Variants in UBE3C observed in about 807,000 individuals in gnomAD.
UBE3C encodes ubiquitin-protein ligase E3C.
A neutral mutation model predicts 129.4 loss-of-function variants in UBE3C; 42 were observed. The ratio of observed to expected loss-of-function variants is 0.32; its 90% CI spans 0.25 to 0.42. UBE3C has a LOEUF of 0.42. UBE3C is among the 10% of genes least tolerant of loss of function. The pLI, the probability that UBE3C is intolerant of heterozygous loss-of-function variation, is 1.00. For synonymous variants in UBE3C, 510 were observed against 492.4 expected, an observed-to-expected ratio of 1.04 and a Z score of -0.47; for missense variants, 1,049 against 1,319.1, an observed-to-expected ratio of 0.80 and a Z score of 3.17.
chr7:157,157,334 G>T (rs754957074), intron 1 of UBE3C, among the ~76,000 whole-genome samples: 1 of 152,198 alleles, frequency 6.6e-6, no homozygotes, highest in South Asian at 2.1e-4. Context: ...CATAACCAAG[G>T]TTAAAGAGTA....
intron 10 of UBE3C, among the ~76,000 whole-genome samples, chr7:157,190,391 T>G (rs990614694): frequency 2.0e-5 from 3 of 152,124 alleles, no homozygotes; most frequent in African/African-American, 7.2e-5. Flanking sequence ...AGCCTGAAAC[T>G]GCAGTGTCCT....
At chr7:157,253,068 AT>A (rs1335751729) in intron 19 of UBE3C, among the ~76,000 whole-genome samples, 1 of 152,062 alleles carries the variant, frequency 6.6e-6, no homozygotes, top group African/African-American at 2.4e-5. Context: ...CTTTTTAAAA[AT>A]TTTTTTATTT....
At chr7:157,238,000 A>C (rs3779599) in intron 18 of UBE3C, among the ~76,000 whole-genome samples, 50,878 of 151,848 alleles carry the variant, frequency 0.34, 11,559 homozygotes, top group African/African-American at 0.64. Context: ...TGCAGTGAGC[A>C]GTGATGGCAC....
chr7:157,222,481 C>G (rs942512026), intron 15 of UBE3C: 13 of 151,866 alleles, frequency 8.6e-5, no homozygotes, highest in African/African-American at 3.1e-4. Flanking sequence ...TGCAATGGTG[C>G]AATCACAGCT....
At chr7:157,142,205 A>G (rs996938108) in intron 1 of UBE3C, among the ~76,000 whole-genome samples, 4 of 152,232 alleles carry the variant, frequency 2.6e-5, no homozygotes, top group African/African-American at 9.7e-5. Context: ...CTTGTTGGAA[A>G]AATGAAGTTA....
At position 157,198,846 on chromosome 7, in the gene UBE3C, AG is replaced by A. The variant is rs368486831; in HGVS notation, c.1332-2874del. Reference sequence around the variant, plus strand: ...CCTGGCCCAGAAATTTATTTTTAAAAGTTTAATAGTTTGTTTTATTATTGCT... The same window carrying A: ...CCTGGCCCAGAAATTTATTTTTAAAATTTAATAGTTTGTTTTATTATTGCT... On this transcript the variant is annotated intron_variant, in intron 10 of 22. Coordinates refer to ENST00000348165, the MANE Select transcript of UBE3C (RefSeq NM_014671.3). Among the ~76,000 whole-genome samples, 162 of 152,292 alleles carry A rather than the reference AG, an allele frequency of 1.1e-3. 2 individuals carry two copies. The highest frequency in any genetic ancestry group is 3.7e-3 in the African/African-American group (154 of 41,562).
intron 1 of UBE3C, among the ~76,000 whole-genome samples, chr7:157,143,550 C>T (rs114304476): frequency 1.1e-4 from 16 of 152,300 alleles, no homozygotes; most frequent in African/African-American, 3.6e-4. Context: ...GGTTTCCTAG[C>T]TTAAGCGTCA....
intron 10 of UBE3C, among the ~76,000 whole-genome samples, chr7:157,199,788 T>C (rs1809229658): frequency 6.6e-6 from 1 of 152,206 alleles, no homozygotes; most frequent in South Asian, 2.1e-4. Context: ...AGAGTGAATT[T>C]TAAGTGGAAA....
At chr7:157,194,353 A>G (rs1477160761) in intron 10 of UBE3C, among the ~76,000 whole-genome samples, 3 of 152,198 alleles carry the variant, frequency 2.0e-5, no homozygotes, top group Non-Finnish European at 4.4e-5. Flanking sequence ...AAACCCTAGC[A>G]CAGGTAATTT....
intron 1 of UBE3C, among the ~76,000 whole-genome samples, chr7:157,153,871 T>A (rs769426197): frequency 6.6e-6 from 1 of 151,504 alleles, no homozygotes; most frequent in Non-Finnish European, 1.5e-5. Context: ...TATGTACCTG[T>A]GGTTTCAGTT....
intron 1 of UBE3C, among the ~76,000 whole-genome samples, chr7:157,149,705 T>C (rs551129578): frequency 6.6e-6 from 1 of 152,290 alleles, no homozygotes; most frequent in East Asian, 1.9e-4. Context: ...AAAAAATAGA[T>C]GGTCTCATAA....
At chr7:157,222,522 C>G (rs1049528154) in intron 15 of UBE3C, 10 of 152,082 alleles carry the variant, frequency 6.6e-5, no homozygotes, top group African/African-American at 2.4e-4. Flanking sequence ...CAGTCTCAGG[C>G]AGTTCTCCCA....
At chr7:157,162,933 G>T (rs1424580688) in intron 1 of UBE3C, among the ~76,000 whole-genome samples, 1 of 152,102 alleles carries the variant, frequency 6.6e-6, no homozygotes, top group South Asian at 2.1e-4. Flanking sequence ...TCATTTATTT[G>T]AAGTTTTCCT....
intron 19 of UBE3C, among the ~76,000 whole-genome samples, chr7:157,251,798 C>T (rs1244493745): frequency 6.6e-6 from 1 of 152,016 alleles, no homozygotes; most frequent in Non-Finnish European, 1.5e-5. Context: ...TTAGGCTTAG[C>T]CTGAGAGAGA....
chr7:157,246,597 G>A (rs935579605), intron 18 of UBE3C, among the ~76,000 whole-genome samples: 2 of 152,062 alleles, frequency 1.3e-5, no homozygotes, highest in African/African-American at 4.8e-5. Flanking sequence ...AGAGGGTCTG[G>A]GTCTATCACA....
intron 1 of UBE3C, chr7:157,139,889 G>A (rs1274693632): frequency 3.6e-6 from 2 of 555,688 alleles, no homozygotes; most frequent in Middle Eastern, 8.9e-4. Context: ...TAAAGTAGAG[G>A]CAGAACGTCT....
chr7:157,142,777 C>A (rs1328308031), intron 1 of UBE3C, among the ~76,000 whole-genome samples: 1 of 152,104 alleles, frequency 6.6e-6, no homozygotes, highest in African/African-American at 2.4e-5. Flanking sequence ...TCATTCACAC[C>A]CCAAACCTCC....
At chr7:157,156,300 C>CTTTTTTTT (rs1173730075) in intron 1 of UBE3C, among the ~76,000 whole-genome samples, 2 of 85,886 alleles carry the variant, frequency 2.3e-5, no homozygotes, top group African/African-American at 4.9e-5. Flanking sequence ...ACCCCCAGTT[C>CTTTTTTTT]TTTTTTTTTT....
At chr7:157,168,806 G>A (rs1000448910) in intron 2 of UBE3C, among the ~76,000 whole-genome samples, 2 of 152,204 alleles carry the variant, frequency 1.3e-5, no homozygotes, top group Admixed American at 6.5e-5. Context: ...GGAAACGGGG[G>A]GTGACTGCGA....
Sources: gnomAD v4.1 joint callset for allele counts (sites outside exome capture counted in the v4.1 genomes callset) on GRCh38, gnomAD v4.1.1 for gene constraint, MANE v1.5 for transcripts, NCBI Gene and HGNC (gene_info 2026-07-23, HGNC 2026-07-21) for gene names.